The following NTM variants were observed in gnomAD, a reference collection of about 807,000 sequenced individuals.
The protein encoded by NTM is IgLON family member 2.
A neutral mutation model predicts 42.1 loss-of-function variants in NTM; 13 were observed. The observed-to-expected ratio is 0.31, with a 90% CI of 0.20 to 0.49. NTM has a LOEUF of 0.49. Ranked by LOEUF, NTM falls within the 20% of genes least tolerant of loss-of-function variation. The pLI, the probability that NTM is intolerant of heterozygous loss-of-function variation, is 0.99. For synonymous variants in NTM, 187 were observed against 179.2 expected, an observed-to-expected ratio of 1.04 and a Z score of -0.35; for missense variants, 373 against 452.8, an observed-to-expected ratio of 0.82 and a Z score of 1.60.
At chr11:131,471,276 C>T (rs1462909903) in intron 1 of NTM, among the ~76,000 whole-genome samples, 6 of 152,206 alleles carry the variant, frequency 3.9e-5, no homozygotes, top group South Asian at 4.1e-4. Flanking sequence ...TATTTGCCTT[C>T]CCAAGGAAGT....
chr11:132,184,250 C>A lies in NTM; in HGVS notation c.401-27772C>A, dbSNP rs191548622. ...CCAAGGCAGAGAAAAGAGGTCCTCT[C>A]TTTGCTCCTTTGCTCTGTTCTCCCG... On this transcript the variant is annotated intron_variant, in intron 3 of 8. Transcript: ENST00000683400. Among the ~76,000 whole-genome samples, 49 of 152,302 alleles carry A rather than the reference C, an allele frequency of 3.2e-4. No homozygotes were observed. The Middle Eastern group carries it at 0.014, about 42-fold the overall frequency.
At chr11:131,700,666 C>T (rs534952340) in intron 1 of NTM, among the ~76,000 whole-genome samples, 1 of 152,344 alleles carries the variant, frequency 6.6e-6, no homozygotes, top group Non-Finnish European at 1.5e-5. Context: ...TGTTGGATGC[C>T]TTCCAGGCAC....
chr11:132,059,362 T>TAG (rs1362095426), intron 2 of NTM, among the ~76,000 whole-genome samples: 3 of 152,340 alleles, frequency 2.0e-5, no homozygotes, highest in Admixed American at 6.5e-5. Context: ...AGATGAAATG[T>TAG]AGAGACGCAT....
rs554125018 is a variant in NTM at position 132,051,178 on chromosome 11, C to G, written c.168-95104C>G. On this transcript the variant is annotated intron_variant, in intron 2 of 8. Transcript: ENST00000683400. ...CACTGGTGGAAAAATACAGATAGTG[C>G]CTACCTTTATTTATTTGTAACATAT... Among the ~76,000 whole-genome samples the G allele has an allele frequency of 2.7e-3, 408 of 152,278 alleles. 1 individual carries two copies. Among genetic ancestry groups the G allele is most frequent in the Non-Finnish European group, 5.1e-3 (344 of 68,014 alleles).
intron 2 of NTM, among the ~76,000 whole-genome samples, chr11:132,074,990 T>G (rs544487668): frequency 6.6e-5 from 10 of 152,338 alleles, no homozygotes; most frequent in African/African-American, 2.2e-4. Flanking sequence ...AGTGTCAATT[T>G]TTTAAGAGTA....
intron 1 of NTM, among the ~76,000 whole-genome samples, chr11:131,889,343 A>C (rs1340670381): frequency 6.6e-6 from 1 of 152,148 alleles, no homozygotes; most frequent in Non-Finnish European, 1.5e-5. Flanking sequence ...AGGGGACCAG[A>C]GGGCCAGCCT....
At chr11:131,625,192 G>C (rs1383755069) in intron 1 of NTM, among the ~76,000 whole-genome samples, 1 of 152,174 alleles carries the variant, frequency 6.6e-6, no homozygotes. Context: ...AGGGTGTAAA[G>C]TGATCACATT....
chr11:132,234,879 G>A lies in NTM; in HGVS notation c.526+22732G>A, dbSNP rs190478744. On this transcript the variant is annotated intron_variant, in intron 4 of 8. Transcript: ENST00000683400. The stretch of plus-strand genomic sequence containing the variant: ...TGTAATATGTGTTTGTGTCAATCTT[G>A]TAGTCATAAACTGAGCCTTTAGAAA... Among the ~76,000 whole-genome samples the A allele has an allele frequency of 2.7e-5, 4 of 150,102 alleles. No homozygotes were observed. The East Asian group carries it at 5.8e-4, about 22-fold the overall frequency.
intron 1 of NTM, among the ~76,000 whole-genome samples, chr11:131,476,432 G>A (rs1952949225): frequency 6.6e-6 from 1 of 152,222 alleles, no homozygotes; most frequent in Admixed American, 6.5e-5. Context: ...TAGACTGCTA[G>A]CTAGGCCAGC....
chr11:131,880,652 G>C (rs2049318233), intron 1 of NTM, among the ~76,000 whole-genome samples: 1 of 152,158 alleles, frequency 6.6e-6, no homozygotes, highest in Non-Finnish European at 1.5e-5. Context: ...CTAACCCACA[G>C]CTTTCTGGTT....
intron 1 of NTM, among the ~76,000 whole-genome samples, chr11:131,650,677 A>T (rs929983577): frequency 1.3e-5 from 2 of 152,218 alleles, no homozygotes; most frequent in African/African-American, 4.8e-5. Flanking sequence ...CTGTTGAGGG[A>T]TATAGGAACA....
intron 4 of NTM, among the ~76,000 whole-genome samples, chr11:132,240,313 A>G (rs997849312): frequency 3.3e-5 from 5 of 152,212 alleles, no homozygotes; most frequent in Admixed American, 6.5e-5. Context: ...TTGTAGAGAT[A>G]ATGTCTAATT....
chr11:132,272,188 T>G (rs56683577), intron 4 of NTM, among the ~76,000 whole-genome samples: 1,587 of 152,236 alleles, frequency 0.01, 32 homozygotes, highest in African/African-American at 0.036. Flanking sequence ...ATCATAACTG[T>G]GGGGTGGGAG....
At chr11:132,243,979 A>G (rs1278490836) in intron 4 of NTM, among the ~76,000 whole-genome samples, 2 of 152,202 alleles carry the variant, frequency 1.3e-5, no homozygotes, top group East Asian at 1.9e-4. Context: ...GCCGTCTGCC[A>G]TCCCGTCTCA....
intron 1 of NTM, among the ~76,000 whole-genome samples, chr11:131,608,528 T>A (rs769261382): frequency 1.2e-4 from 19 of 152,254 alleles, no homozygotes; most frequent in Non-Finnish European, 2.5e-4. Flanking sequence ...TCATTTCTTA[T>A]GGTGACAGGC....
chr11:131,598,123 G>A (rs2059974190), intron 1 of NTM, among the ~76,000 whole-genome samples: 1 of 152,216 alleles, frequency 6.6e-6, no homozygotes, highest in Non-Finnish European at 1.5e-5. Context: ...AGGCTGGAAG[G>A]GGAGGATACA....
intron 1 of NTM, among the ~76,000 whole-genome samples, chr11:131,826,833 G>A (rs1048853797): frequency 6.6e-6 from 1 of 152,116 alleles, no homozygotes; most frequent in Non-Finnish European, 1.5e-5. Context: ...TGAGCTCCAG[G>A]ATCTGCAGTT....
At chr11:131,652,272 G>T (rs1394304124) in intron 1 of NTM, among the ~76,000 whole-genome samples, 4 of 152,006 alleles carry the variant, frequency 2.6e-5, no homozygotes, top group African/African-American at 9.7e-5. Flanking sequence ...TGATCATTGT[G>T]TTTTTTTTCT....
In NTM at chr11:132,320,931, T is replaced by A. The variant is rs11223008; in HGVS notation, c.934+6228T>A. ...GCAGGGCCACACTGACACCTCACAC[T>A]GCAGGGTACTCCAACAGACCTGCAG... On this transcript the variant is annotated intron_variant, in intron 7 of 8. Coordinates refer to ENST00000683400, the MANE Select transcript of NTM (RefSeq NM_001352005.2). 2.3e-3 allele frequency among the ~76,000 whole-genome samples: 338 copies of A among 149,420 alleles called. 2 individuals carry two copies. In the East Asian group the frequency reaches 0.025, roughly 11 times the overall value.
Sources: allele counts gnomAD v4.1 joint callset (sites outside exome capture counted in the v4.1 genomes callset), GRCh38; gene constraint gnomAD v4.1.1; transcripts MANE v1.5; gene names NCBI Gene and HGNC (gene_info 2026-07-23, HGNC 2026-07-21).